Variants in DACH1 observed in about 807,000 individuals in gnomAD.
DACH1 encodes the protein dachshund family transcription factor 1, also known as dachshund homolog 1.
DACH1 carries 12 observed loss-of-function variants against 54.2 expected under a neutral mutation model. The ratio of observed to expected loss-of-function variants is 0.22; its 90% confidence interval spans 0.14 to 0.36. The LOEUF (loss-of-function observed/expected upper bound fraction) is 0.36. Ranked by LOEUF, DACH1 falls within the 10% of genes least tolerant of loss-of-function variation. The pLI, the probability that DACH1 is intolerant of heterozygous loss-of-function variation, is 1.00. For synonymous variants in DACH1, 386 were observed against 366.2 expected, an observed-to-expected ratio of 1.05 and a Z score of -0.62; for missense variants, 805 against 929.8, an observed-to-expected ratio of 0.87 and a Z score of 1.75.
chr13:71,649,405 G>C (rs1352444599), intron 2 of DACH1, among the ~76,000 whole-genome samples: 1 of 152,104 alleles, frequency 6.6e-6, no homozygotes, highest in Non-Finnish European at 1.5e-5. Flanking sequence ...TGGATCTACA[G>C]CTTACTAAGG....
At chr13:71,806,076 G>C (rs763225958) in intron 1 of DACH1, among the ~76,000 whole-genome samples, 2 of 151,928 alleles carry the variant, frequency 1.3e-5, no homozygotes, top group Non-Finnish European at 2.9e-5. Context: ...CAAAGTGCTG[G>C]GATTATAGGC....
chr13:71,789,690 G>A (rs1422515539), intron 1 of DACH1, among the ~76,000 whole-genome samples: 1 of 152,130 alleles, frequency 6.6e-6, no homozygotes, highest in African/African-American at 2.4e-5. Flanking sequence ...ACAGATAGAA[G>A]TATATATGAG....
At chr13:71,538,960 C>A (rs1194903068) in intron 6 of DACH1, among the ~76,000 whole-genome samples, 2 of 151,950 alleles carry the variant, frequency 1.3e-5, no homozygotes, top group East Asian at 1.9e-4. Context: ...TTATGTTTAT[C>A]ACATAAAAGT....
At chr13:71,865,758 G>A (rs968018051) in intron 1 of DACH1, among the ~76,000 whole-genome samples, 164 bp downstream of exon 1, 5 of 151,972 alleles carry the variant, frequency 3.3e-5, no homozygotes, top group African/African-American at 4.8e-5. Context: ...TCAGGGGGTC[G>A]GGCGCGGCTG....
At chr13:71,561,407 C>T (rs1030279551) in intron 4 of DACH1, among the ~76,000 whole-genome samples, 13 of 152,124 alleles carry the variant, frequency 8.5e-5, no homozygotes, top group Non-Finnish European at 1.6e-4. Context: ...CCACGTGAGT[C>T]GTGTCCTTAC....
intron 6 of DACH1, among the ~76,000 whole-genome samples, chr13:71,496,031 G>A (rs1448337380): frequency 1.3e-5 from 2 of 151,804 alleles, no homozygotes; most frequent in African/African-American, 2.4e-5. Flanking sequence ...CCAGGAGTTA[G>A]AGACCAGCCT....
At chr13:71,484,483 G>A (rs1242778185) in intron 7 of DACH1, among the ~76,000 whole-genome samples, 1 of 151,998 alleles carries the variant, frequency 6.6e-6, no homozygotes, top group Non-Finnish European at 1.5e-5. Context: ...AAGCTATTGT[G>A]GTTTTAACAT....
intron 3 of DACH1, among the ~76,000 whole-genome samples, chr13:71,574,793 T>TA (rs1191171460): frequency 1.3e-5 from 2 of 151,832 alleles, no homozygotes; most frequent in Non-Finnish European, 2.9e-5. Flanking sequence ...GCTTTTGGTT[T>TA]AAAAAAAAGT....
chr13:71,579,912 A>G (rs1417386074), intron 3 of DACH1, among the ~76,000 whole-genome samples: 14 of 152,184 alleles, frequency 9.2e-5, no homozygotes, highest in Admixed American at 9.2e-4. Flanking sequence ...CCAAGGTAAA[A>G]CAAAGAAATG....
At chr13:71,582,530 A>G (rs1872926695) in intron 3 of DACH1, among the ~76,000 whole-genome samples, 2 of 152,222 alleles carry the variant, frequency 1.3e-5, no homozygotes, top group Non-Finnish European at 2.9e-5. Context: ...AACTTGTAAT[A>G]TGATAATCAG....
intron 1 of DACH1, among the ~76,000 whole-genome samples, chr13:71,701,422 A>G (rs368058546): frequency 1.3e-5 from 2 of 152,162 alleles, no homozygotes; most frequent in Non-Finnish European, 2.9e-5. Flanking sequence ...GTTTTTTCCT[A>G]TAATGAATGA....
intron 6 of DACH1, among the ~76,000 whole-genome samples, chr13:71,555,666 G>C (rs1447626402): frequency 6.6e-6 from 1 of 151,912 alleles, no homozygotes; most frequent in Non-Finnish European, 1.5e-5. Flanking sequence ...TTACAATATT[G>C]CTATGCATGG....
intron 10 of DACH1, among the ~76,000 whole-genome samples, chr13:71,471,835 G>A (rs1414627114): frequency 1.3e-5 from 2 of 152,054 alleles, no homozygotes; most frequent in East Asian, 3.9e-4. Flanking sequence ...AAAATAAGAT[G>A]ACGACTTAGC....
At chr13:71,449,307 C>CA (rs1874786868) in intron 10 of DACH1, among the ~76,000 whole-genome samples, 2 of 151,556 alleles carry the variant, frequency 1.3e-5, no homozygotes, top group Non-Finnish European at 2.9e-5. Flanking sequence ...GCCTGGGCAA[C>CA]AGAGTGAGAC....
At chr13:71,692,664 A>G (rs1472431374) in intron 1 of DACH1, among the ~76,000 whole-genome samples, 1 of 151,528 alleles carries the variant, frequency 6.6e-6, no homozygotes, top group African/African-American at 2.4e-5. Context: ...TTGGGACTAC[A>G]GGCGTGCACC....
chr13:71,611,513 G>A (rs1875325691), intron 3 of DACH1, among the ~76,000 whole-genome samples: 1 of 152,038 alleles, frequency 6.6e-6, no homozygotes, highest in Admixed American at 6.6e-5. Context: ...TGAAACTTCT[G>A]TTCTGGCAAA....
At chr13:71,723,005 A>C (rs1883298966) in intron 1 of DACH1, among the ~76,000 whole-genome samples, 1 of 152,124 alleles carries the variant, frequency 6.6e-6, no homozygotes, top group South Asian at 2.1e-4. Context: ...AAAAGAGCAG[A>C]ATGTGCTGAG....
At chr13:71,549,882 C>T (rs1883697652) in intron 6 of DACH1, among the ~76,000 whole-genome samples, 1 of 152,082 alleles carries the variant, frequency 6.6e-6, no homozygotes, top group South Asian at 2.1e-4. Context: ...ACATGTTTCT[C>T]CTCAAAATAT....
intron 3 of DACH1, among the ~76,000 whole-genome samples, chr13:71,577,010 A>T (rs1429680076): frequency 6.6e-6 from 1 of 152,144 alleles, no homozygotes; most frequent in African/African-American, 2.4e-5. Context: ...AAACATTTCC[A>T]TGGTGGTAAT....
Sources: allele counts gnomAD v4.1 joint callset (sites outside exome capture counted in the v4.1 genomes callset), GRCh38; gene constraint gnomAD v4.1.1; transcripts MANE v1.5; gene names NCBI Gene and HGNC (gene_info 2026-07-23, HGNC 2026-07-21).